Variants in ASIC1 observed in about 807,000 individuals in gnomAD.
The protein encoded by ASIC1 is acid-sensing ion channel 1.
In ASIC1, 21 loss-of-function variants were observed where a neutral mutation model predicts 63.4. That is an observed-to-expected ratio of 0.33 (90% CI 0.23 to 0.48). ASIC1 has a LOEUF of 0.48. Among genes scored for constraint, ASIC1 ranks in the 20% least tolerant of loss-of-function variants. The pLI, the probability that ASIC1 is intolerant of heterozygous loss-of-function variation, is 0.99. For synonymous variants in ASIC1, 258 were observed against 278.2 expected (o/e 0.93, Z 0.72); for missense variants, 478 against 695.5 (o/e 0.69, Z 3.52).
At position 50,059,878 on chromosome 12, in the gene ASIC1, C is replaced by T. The variant is rs779730949; in HGVS notation, c.482C>T (p.Ala161Val). 1.4e-5 allele frequency: 23 copies of T among 1,614,094 alleles called. No homozygotes were observed. In the Admixed American group the frequency reaches 1.7e-4, roughly 12 times the overall value. The change falls in exon 3 of 12, where the codon GCT becomes GTT. Residue 161 changes from alanine (A) to valine (V), a missense_variant. Physicochemically the swap from Ala to Val is moderately conservative, Grantham distance 64. Around this residue, in one of 3 missense-constraint regions of ASIC1, gnomAD observed 290 missense variants for 414.9 expected, o/e 0.70. Coordinates refer to ENST00000447966, the MANE Select transcript of ASIC1 (RefSeq NM_001095.4). The surrounding 1 kb of genome is among the most constrained non-coding windows in gnomAD (Gnocchi z 4.6). ...PFNMREFYDR[A>V]GHDIRDMLLS... The stretch of plus-strand genomic sequence containing the variant: ...AACATGCGTGAGTTCTACGACCGAG[C>T]TGGGCACGACATTCGAGACATGCTG...
chr12:50,077,594 C>T (rs993565364), intron 4 of ASIC1, among the ~76,000 whole-genome samples: 8 of 152,050 alleles, frequency 5.3e-5, no homozygotes, highest in East Asian at 1.9e-4. Context: ...CTTCCATCAA[C>T]GCCGCCGCCA....
chr12:50,072,835 T>C (rs1254439085), intron 3 of ASIC1, among the ~76,000 whole-genome samples: 1 of 151,606 alleles, frequency 6.6e-6, no homozygotes. Context: ...GGAACCAAAA[T>C]ACATCTCAGC....
At chr12:50,064,573 A>G (rs901414609) in intron 3 of ASIC1, among the ~76,000 whole-genome samples, 1 of 152,164 alleles carries the variant, frequency 6.6e-6, no homozygotes, top group Admixed American at 6.5e-5. Context: ...TCTGGGGGCC[A>G]AGCCTGGAAG....
Position 50,059,676 on chromosome 12 carries a change from T to A in ASIC1, c.363-83T>A. 7.0e-7 allele frequency: 1 copy of A among 1,421,416 alleles called. No individual in the cohort carries two copies. The highest frequency in any genetic ancestry group is 9.6e-7 in the Non-Finnish European group (1 of 1,039,486). 88.1% of individuals were successfully genotyped at this position (1,421,416 alleles called of 1,614,324 possible). On this transcript the variant is annotated intron_variant, in intron 2 of 11. Coordinates refer to ENST00000447966, the MANE Select transcript of ASIC1 (RefSeq NM_001095.4). This position sits in a 1 kb window ranked among gnomAD's most constrained non-coding sequence, Gnocchi z 4.6. ...TACACCTGGGACTGATCCCCAGGGC[T>A]GGAGGCTGCCCCCATCACCCAAGTT...
At chr12:50,073,585 A>G (rs1443152731) in intron 3 of ASIC1, 1 of 1,511,268 alleles carries the variant, frequency 6.6e-7, no homozygotes, top group African/African-American at 1.4e-5. Context: ...CCTGGAGAAA[A>G]TGCCCATCCA....
intron 3 of ASIC1, among the ~76,000 whole-genome samples, chr12:50,063,716 G>A (rs1295872049): frequency 6.6e-6 from 1 of 152,098 alleles, no homozygotes; most frequent in Non-Finnish European, 1.5e-5. Flanking sequence ...GAGCACCTAG[G>A]GAAGTAAGAT....
intron 3 of ASIC1, among the ~76,000 whole-genome samples, chr12:50,064,617 G>A (rs1950529826): frequency 6.6e-6 from 1 of 152,166 alleles, no homozygotes; most frequent in South Asian, 2.1e-4. Flanking sequence ...CTAAGTCTTG[G>A]GACTTTGTCA....
At position 50,074,132 on chromosome 12, in the gene ASIC1, G is replaced by A; in HGVS notation, c.559-3081G>A. On this transcript the variant is annotated intron_variant, in intron 3 of 11. Transcript: ENST00000447966. The surrounding 1 kb of genome is among the most constrained non-coding windows in gnomAD (Gnocchi z 4.2). ...CCACCGGGCCCTGAGGCCTTCTCTG[G>A]GGAGCCCTTTAACCTGCACCGCTTC... is the stretch of plus-strand genomic sequence containing the variant. 1.3e-6 allele frequency: 2 copies of A among 1,535,706 alleles called. No homozygotes were observed. Among genetic ancestry groups the A allele is most frequent in the Non-Finnish European group, 1.7e-6 (2 of 1,146,642 alleles).
chr12:50,067,697 G>A (rs1457698879), intron 3 of ASIC1, among the ~76,000 whole-genome samples: 3 of 152,158 alleles, frequency 2.0e-5, no homozygotes, highest in African/African-American at 7.2e-5. Context: ...GGGATTACAG[G>A]CGTGAGCCAC....
intron 3 of ASIC1, chr12:50,076,872 A>G: frequency 2.2e-6 from 1 of 463,030 alleles, no homozygotes; most frequent in Non-Finnish European, 4.3e-6. Context: ...TACTAGAGCT[A>G]CAGAGGGGCG....
Position 50,073,138 on chromosome 12 carries a change from G to A in ASIC1, c.559-4075G>A, listed in dbSNP as rs188044000. 2.0e-5 allele frequency among the ~76,000 whole-genome samples: 3 copies of A among 152,172 alleles called. No homozygotes were observed. In the East Asian group the frequency reaches 5.8e-4, roughly 29 times the overall value. The stretch of plus-strand genomic sequence containing the variant: ...TCCTGGGGGGGTAGGGACTGTGGTC[G>A]CTGTGATCATCATGGCAGTGGGTGC... On this transcript the variant is annotated intron_variant, in intron 3 of 11. Transcript: ENST00000447966.
chr12:50,060,411 A>G (rs1229979659), intron 3 of ASIC1, among the ~76,000 whole-genome samples: 1 of 152,188 alleles, frequency 6.6e-6, no homozygotes, highest in Non-Finnish European at 1.5e-5. Context: ...ATCTCCATCT[A>G]ATAAGATCCT....
intron 4 of ASIC1, 120 bp from the exon 5 acceptor site, chr12:50,077,880 C>A: frequency 6.9e-7 from 1 of 1,449,450 alleles, no homozygotes. Context: ...CTATAGACTT[C>A]CCCCACCCCA....
At chr12:50,066,145 T>C (rs1453350766) in intron 3 of ASIC1, among the ~76,000 whole-genome samples, 2 of 152,226 alleles carry the variant, frequency 1.3e-5, no homozygotes, top group Admixed American at 6.5e-5. Context: ...TAATCATCTC[T>C]TTCAGTTGTG....
chr12:50,081,416 C>G, intron 11 of ASIC1, 52 bp downstream of exon 11: 1 of 1,535,874 alleles, frequency 6.5e-7, no homozygotes, highest in Non-Finnish European at 8.8e-7. Context: ...TCCACCGCCC[C>G]AGGAACCCCG....
chr12:50,068,566 G>T (rs1204552109), intron 3 of ASIC1, among the ~76,000 whole-genome samples: 1 of 151,748 alleles, frequency 6.6e-6, no homozygotes, highest in Non-Finnish European at 1.5e-5. Flanking sequence ...TTATGTCTCA[G>T]CCCAGCTCTC....
At chr12:50,060,013 A>G (rs1950486590) in intron 3 of ASIC1, 59 bp downstream of exon 3, 5 of 1,586,858 alleles carry the variant, frequency 3.2e-6, no homozygotes. Flanking sequence ...AGGAGGAGAC[A>G]AGGAGCAGGC....
Position 50,080,507 on chromosome 12 carries a change from C to G in ASIC1, c.1215C>G (p.Ile405Met). 6.2e-7 allele frequency: 1 copy of G among 1,614,136 alleles called. No homozygotes were observed. Among genetic ancestry groups the G allele is most frequent in the Non-Finnish European group, 8.5e-7 (1 of 1,180,016 alleles). Reference sequence around the variant, plus strand: ...CCCAATCCCTGTGCAGGGAGAACATCCTGGTGCTGGACATTTTCTTTGAAG... The same window carrying G: ...CCCAATCCCTGTGCAGGGAGAACATGCTGGTGCTGGACATTTTCTTTGAAG... Reference protein sequence around the residue: ...NKSEQYIGENILVLDIFFEVL... With the variant: ...NKSEQYIGENMLVLDIFFEVL... Residue 405 changes from isoleucine (I) to methionine (M), a missense_variant, in exon 9 of 12, where the codon ATC (isoleucine) becomes ATG (methionine). Ile to Met is a conservative substitution (Grantham distance 10). Coordinates refer to ENST00000447966, the MANE Select transcript of ASIC1 (RefSeq NM_001095.4).
At position 50,067,608 on chromosome 12, in the gene ASIC1, G is replaced by A. The variant is rs146504839; in HGVS notation, c.558+7654G>A. 7.1e-3 allele frequency among the ~76,000 whole-genome samples: 1,076 copies of A among 152,116 alleles called. 14 individuals carry two copies. The highest frequency in any genetic ancestry group is 0.025 in the African/African-American group (1,026 of 41,508). ...TTGTTGTTGTATTTTTCGTAGAGAC[G>A]GGTTTTCTCCATGTTGGTCAGGCTG... On this transcript the variant is annotated intron_variant, in intron 3 of 11. Transcript: ENST00000447966.
Sources: gnomAD v4.1 joint callset for allele counts (sites outside exome capture counted in the v4.1 genomes callset) on GRCh38, gnomAD v4.1.1 for gene constraint, gnomAD v4.1.1 regional missense constraint, Gnocchi (gnomAD v3.1) non-coding constraint, MANE v1.5 for transcripts, NCBI Gene and HGNC (gene_info 2026-07-23, HGNC 2026-07-21) for gene names.